The following CUBN variants were observed in gnomAD, a reference collection of about 807,000 sequenced individuals.
The protein encoded by CUBN is cubilin.
A neutral mutation model predicts 405.3 loss-of-function variants in CUBN; 282 were observed. That is an observed-to-expected ratio of 0.70 (90% CI 0.63 to 0.77). The LOEUF (loss-of-function observed/expected upper bound fraction) is 0.77, where lower values mean the gene tolerates loss of function less well. Ranked by LOEUF, CUBN falls within the 30% of genes least tolerant of loss-of-function variation. CUBN has a pLI of 0.00. For missense variants in CUBN, 4,514 were observed against 4,475.2 expected, an observed-to-expected ratio of 1.01 and a Z score of -0.25; for synonymous variants, 1,684 against 1,617.0, an observed-to-expected ratio of 1.04 and a Z score of -0.99.
At chr10:17,037,790 TCA>T (rs1834930720) in intron 27 of CUBN, among the ~76,000 whole-genome samples, 1 of 152,174 alleles carries the variant, frequency 6.6e-6, no homozygotes, top group Non-Finnish European at 1.5e-5. Context: ...CAGTCTACAC[TCA>T]CTCTCCTCTT....
Position 17,126,744 on chromosome 10 carries a change from A to C in CUBN, c.387+17T>G, listed in dbSNP as rs760817407. 5.6e-6 allele frequency: 9 copies of C among 1,613,158 alleles called. No homozygotes were observed. The highest frequency in any genetic ancestry group is 7.6e-6 in the Non-Finnish European group (9 of 1,179,084). On this transcript the variant is annotated intron_variant, in intron 4 of 66. Coordinates refer to ENST00000377833, the MANE Select transcript of CUBN (RefSeq NM_001081.4). ...TTTTCTGTGAAAGATTTGGGTATGT[A>C]GTAGCATGAGACCTACCTGCTGCAA...
intron 37 of CUBN, 103 bp from the exon 38 acceptor site, chr10:16,939,250 A>G: frequency 1.1e-6 from 1 of 888,770 alleles, no homozygotes; most frequent in South Asian, 1.4e-5. Flanking sequence ...TGGACTTTTA[A>G]TTGACTGTGA....
At chr10:16,859,883 G>T (rs922587546) in intron 59 of CUBN, among the ~76,000 whole-genome samples, 5 of 152,040 alleles carry the variant, frequency 3.3e-5, no homozygotes, top group Non-Finnish European at 4.4e-5. Flanking sequence ...AAAATACTTG[G>T]CATAGATAGC....
chr10:16,844,506 A>T (rs1322537725), intron 60 of CUBN, among the ~76,000 whole-genome samples: 2 of 152,174 alleles, frequency 1.3e-5, no homozygotes, highest in Non-Finnish European at 2.9e-5. Flanking sequence ...ATCCTACGTG[A>T]TGTAAGATCA....
At chr10:16,890,631 G>A (rs555430413) in intron 54 of CUBN, 104 bp from the exon 55 acceptor site, 5 of 1,102,412 alleles carry the variant, frequency 4.5e-6, no homozygotes, top group Non-Finnish European at 6.9e-6. Flanking sequence ...ACAGAACTAA[G>A]CATAAGAGTA....
intron 58 of CUBN, 35 bp downstream of exon 58, chr10:16,874,338 AG>A (rs766349180): frequency 3.1e-6 from 5 of 1,611,452 alleles, no homozygotes; most frequent in Non-Finnish European, 4.2e-6. Context: ...TAATGCTGAA[AG>A]GATTTTCTTA....
At chr10:17,001,735 T>C (rs1030414515) in intron 28 of CUBN, among the ~76,000 whole-genome samples, 2 of 152,250 alleles carry the variant, frequency 1.3e-5, no homozygotes, top group African/African-American at 4.8e-5. Flanking sequence ...AGATAGTTTA[T>C]TTTTATCATA....
At chr10:16,849,057 T>C (rs1323055572) in intron 60 of CUBN, among the ~76,000 whole-genome samples, 1 of 152,152 alleles carries the variant, frequency 6.6e-6, no homozygotes, top group Admixed American at 6.5e-5. Flanking sequence ...CATTCCTTGC[T>C]ATCTTTAGTC....
intron 26 of CUBN, 104 bp from the exon 27 acceptor site, chr10:17,041,324 T>G: frequency 1.2e-6 from 1 of 861,030 alleles, no homozygotes; most frequent in Non-Finnish European, 2.0e-6. Context: ...TCTGTGTATG[T>G]ACACACACAC....
chr10:17,079,062 C>T (rs926597396), intron 17 of CUBN, among the ~76,000 whole-genome samples: 8 of 152,076 alleles, frequency 5.3e-5, no homozygotes, highest in African/African-American at 1.7e-4. Flanking sequence ...CTACTCCAAC[C>T]TACAGAATTA....
At chr10:17,129,439 T>G (rs769907178) in intron 1 of CUBN, among the ~76,000 whole-genome samples, 189 bp from the exon 2 acceptor site, 2 of 152,262 alleles carry the variant, frequency 1.3e-5, no homozygotes, top group Non-Finnish European at 2.9e-5. Context: ...TCCTGGCAAT[T>G]GCAAACAGAT....
At chr10:16,859,717 A>G (rs531770115) in intron 59 of CUBN, among the ~76,000 whole-genome samples, 1 of 152,206 alleles carries the variant, frequency 6.6e-6, no homozygotes, top group South Asian at 2.1e-4. Flanking sequence ...TGAAAGAAAC[A>G]TAAAAGAGAG....
In CUBN at chr10:16,824,602, C is replaced by A. The variant is rs780298022; in HGVS notation, c.*373G>T. On this transcript the variant is annotated 3_prime_UTR_variant, in exon 67 of 67. Coordinates refer to ENST00000377833, the MANE Select transcript of CUBN (RefSeq NM_001081.4). ...GTGGTGTGATCTTAGCTCACTGCAACCTCTGCCTCCTGGGTTCAAGCAATT... is the reference window on the plus strand; with the variant it reads ...GTGGTGTGATCTTAGCTCACTGCAAACTCTGCCTCCTGGGTTCAAGCAATT... The A allele has an allele frequency of 7.6e-5, 24 of 314,924 alleles. No homozygotes were observed. Among genetic ancestry groups the A allele is most frequent in the Admixed American group, 4.4e-5 (1 of 22,802 alleles). 19.5% of individuals were successfully genotyped at this position (314,924 alleles called of 1,614,324 possible).
intron 36 of CUBN, among the ~76,000 whole-genome samples, chr10:16,945,792 A>ACAAAC (rs1842763064): frequency 7.0e-6 from 1 of 142,866 alleles, no homozygotes; most frequent in Admixed American, 7.1e-5. Context: ...AAAAAAAAAG[A>ACAAAC]CAAACCAAAA....
At chr10:17,126,455 TA>T (rs1194056335) in intron 4 of CUBN, among the ~76,000 whole-genome samples, 1 of 152,170 alleles carries the variant, frequency 6.6e-6, no homozygotes, top group Non-Finnish European at 1.5e-5. Flanking sequence ...GGGAGATCAC[TA>T]GCTGACCAAG....
chr10:17,016,239 T>C (rs1194281773), intron 28 of CUBN, among the ~76,000 whole-genome samples: 1 of 151,970 alleles, frequency 6.6e-6, no homozygotes, highest in Non-Finnish European at 1.5e-5. Context: ...TTCATGGGCT[T>C]TTTCCTAATT....
At chr10:16,840,559 A>C in intron 61 of CUBN, 24 bp from the exon 62 acceptor site, 1 of 1,531,960 alleles carries the variant, frequency 6.5e-7, no homozygotes, top group Admixed American at 1.9e-5. Context: ...AAAAAGCAAC[A>C]CAGGAGACAT....
At chr10:16,960,612 A>C (rs1026990072) in intron 31 of CUBN, among the ~76,000 whole-genome samples, 8 of 152,170 alleles carry the variant, frequency 5.3e-5, no homozygotes, top group Admixed American at 3.9e-4. Context: ...TTTGATGAAC[A>C]AATGAATAAA....
At chr10:17,064,103 C>G (rs1282479042) in intron 22 of CUBN, among the ~76,000 whole-genome samples, 1 of 152,206 alleles carries the variant, frequency 6.6e-6, no homozygotes, top group Non-Finnish European at 1.5e-5. Flanking sequence ...ACACCATAGC[C>G]TATTGTAACT....
Sources: gnomAD v4.1 joint callset for allele counts (sites outside exome capture counted in the v4.1 genomes callset) on GRCh38, gnomAD v4.1.1 for gene constraint, MANE v1.5 for transcripts, NCBI Gene and HGNC (gene_info 2026-07-23, HGNC 2026-07-21) for gene names.